Variants in ZNF775 observed in about 807,000 individuals in gnomAD.
ZNF775 encodes the protein zinc finger protein 775.
A neutral mutation model predicts 2.4 loss-of-function variants in ZNF775; 1 was observed. The ratio of observed to expected loss-of-function variants is 0.41; its 90% CI spans 0.15 to 1.94. ZNF775 has a LOEUF of 1.94. Ranked by LOEUF, ZNF775 falls within the 30% of genes most tolerant of loss-of-function variation. The pLI is 0.30. For synonymous variants in ZNF775, 381 were observed against 373.3 expected (o/e 1.02, Z -0.24); for missense variants, 823 against 826.6 (o/e 1.00, Z 0.05).
Position 150,398,143 on chromosome 7 carries a change from GGT to G in ZNF775, c.*56_*57del, listed in dbSNP as rs750712669. On this transcript the variant is annotated 3_prime_UTR_variant, in exon 3 of 3. Transcript: ENST00000329630. Reference sequence around the variant, plus strand: ...GTGGTGGTGCGGGGGATGTTTGCGGGGTGTGTGTGGGGAGTGGGGGTGGCCAG... The same window carrying G: ...GTGGTGGTGCGGGGGATGTTTGCGGGGTGTGTGGGGAGTGGGGGTGGCCAG... 1.3e-6 allele frequency: 2 copies of G among 1,529,990 alleles called. No homozygotes were observed. Among genetic ancestry groups the G allele is most frequent in the East Asian group, 2.5e-5 (1 of 40,808 alleles). 94.8% of individuals were successfully genotyped at this position (1,529,990 alleles called of 1,614,324 possible).
rs768335797 is a variant in ZNF775 at position 150,397,335 on chromosome 7, A to C, written c.854A>C (p.Glu285Ala). ...PGEPRQFICN[E>A]CGKSFTWWSS... ...GAGCCGCGCCAGTTCATCTGCAACG[A>C]GTGTGGCAAGAGCTTCACCTGGTGG... The change falls in exon 3 of 3, where the codon GAG becomes GCG. Residue 285 changes from glutamate to alanine, a missense_variant. By Grantham distance (107) the Glu-to-Ala change is moderately radical. Coordinates refer to ENST00000329630, the MANE Select transcript of ZNF775 (RefSeq NM_173680.4). 26 of 1,592,656 alleles carry C rather than the reference A, an allele frequency of 1.6e-5. No homozygotes were observed. Among genetic ancestry groups the C allele is most frequent in the African/African-American group, 6.8e-5 (5 of 73,650 alleles).
At chr7:150,381,584 T>C (rs1345472969) in intron 1 of ZNF775, among the ~76,000 whole-genome samples, 2 of 137,370 alleles carry the variant, frequency 1.5e-5, no homozygotes, top group Non-Finnish European at 3.1e-5. Context: ...CCACTTGATA[T>C]AACAATTCTG....
rs747311346 is a variant in ZNF775 at position 150,396,963 on chromosome 7, G to A, written c.482G>A (p.Arg161Gln). Residue 161 changes from arginine (R) to glutamine (Q), a missense_variant, in exon 3 of 3, where the codon CGA becomes CAA. Transcript: ENST00000329630. ...ARHQRHHTGE[R>Q]PFCCPECARR... Reference sequence around the variant, plus strand: ...CACCAGCGGCACCACACGGGCGAGCGACCCTTCTGCTGCCCCGAGTGCGCG... The same window carrying A: ...CACCAGCGGCACCACACGGGCGAGCAACCCTTCTGCTGCCCCGAGTGCGCG... 4 of 1,599,836 alleles carry A rather than the reference G, an allele frequency of 2.5e-6. No individual in the cohort carries two copies. Among genetic ancestry groups the A allele is most frequent in the South Asian group, 2.2e-5 (2 of 90,942 alleles).
chr7:150,397,857 C>T lies in ZNF775; in HGVS notation c.1376C>T (p.Ser459Leu), dbSNP rs1463619415. The T allele has an allele frequency of 1.9e-6, 3 of 1,602,060 alleles. No homozygotes were observed. Among genetic ancestry groups the T allele is most frequent in the Admixed American group, 3.4e-5 (2 of 59,598 alleles). The change falls in exon 3 of 3, where the codon TCG becomes TTG. Residue 459 changes from serine to leucine, a missense_variant. Transcript: ENST00000329630. ...TGCGGCAAGAGCTTCTCGTGGTGGTCGGCGCTCACCATCCACCAGCGCATC... is the reference window on the plus strand; with the variant it reads ...TGCGGCAAGAGCTTCTCGTGGTGGTTGGCGCTCACCATCCACCAGCGCATC... ...NECGKSFSWW[S>L]ALTIHQRIHT...
chr7:150,380,960 A>G (rs1013612218), intron 1 of ZNF775, among the ~76,000 whole-genome samples: 1 of 152,252 alleles, frequency 6.6e-6, no homozygotes, highest in Non-Finnish European at 1.5e-5. Flanking sequence ...TCCCTGCTCC[A>G]TCTCACTTTG....
intron 1 of ZNF775, among the ~76,000 whole-genome samples, chr7:150,385,622 A>G (rs1800439025): frequency 6.6e-6 from 1 of 152,212 alleles, no homozygotes; most frequent in African/African-American, 2.4e-5. Flanking sequence ...CCCGTTACAG[A>G]CATGTTCTCA....
Position 150,398,457 on chromosome 7 carries a change from C to T in ZNF775, c.*362C>T, listed in dbSNP as rs1225554207. 2 of 251,864 alleles carry T rather than the reference C, an allele frequency of 7.9e-6. No individual in the cohort carries two copies. The highest frequency in any genetic ancestry group is 5.6e-5 in the Admixed American group (1 of 17,984). The allele number at this position is 251,864 out of a possible 1,614,324, so 15.6% of individuals were successfully genotyped here. A position where few individuals can be genotyped will look rare whatever the true frequency, so the allele number is the denominator to read the frequency against. On this transcript the variant is annotated 3_prime_UTR_variant, in exon 3 of 3. Transcript: ENST00000329630. ...TGGACTGGTCAGCTGTGGCACCAGC[C>T]GGTCCTGCCCACGCTTCAGGATGGC...
chr7:150,379,461 A>T (rs1800321644), intron 1 of ZNF775, 69 bp downstream of exon 1: 1 of 151,592 alleles, frequency 6.6e-6, no homozygotes, highest in Non-Finnish European at 1.5e-5. Context: ...GGTGCGAGGG[A>T]TGGACCAGCG....
intron 2 of ZNF775, among the ~76,000 whole-genome samples, chr7:150,393,748 A>G (rs1253767413): frequency 1.3e-5 from 2 of 150,280 alleles, no homozygotes; most frequent in Non-Finnish European, 3.0e-5. Flanking sequence ...GGCTTGCTGC[A>G]ACCTCTGCCT....
At chr7:150,395,894 G>A (rs1800637766) in intron 2 of ZNF775, among the ~76,000 whole-genome samples, 1 of 152,102 alleles carries the variant, frequency 6.6e-6, no homozygotes, top group Non-Finnish European at 1.5e-5. Flanking sequence ...TGAGTTGCCA[G>A]ACAGCCAAGG....
chr7:150,380,759 T>G (rs562489296), intron 1 of ZNF775, among the ~76,000 whole-genome samples: 2 of 152,228 alleles, frequency 1.3e-5, no homozygotes, highest in African/African-American at 2.4e-5. Flanking sequence ...AGATGTTACC[T>G]TTAGTTTCTT....
At chr7:150,379,435 T>G (rs1800321126) in intron 1 of ZNF775, 43 bp downstream of exon 1, 1 of 152,042 alleles carries the variant, frequency 6.6e-6, no homozygotes, top group Non-Finnish European at 1.5e-5. Context: ...CCTCTGCATT[T>G]TGGGCGGGGA....
At chr7:150,387,310 AAAAG>A (rs1800469776) in intron 1 of ZNF775, among the ~76,000 whole-genome samples, 1 of 151,050 alleles carries the variant, frequency 6.6e-6, no homozygotes, top group African/African-American at 2.4e-5. Flanking sequence ...AAAAAAAAAA[AAAAG>A]AAGCACAAGG....
rs1800416332 is a variant in ZNF775, at chr7:150,384,357, G to A, written c.-49-4065G>A. Among the ~76,000 whole-genome samples, 1 of 152,248 alleles carries A rather than the reference G, an allele frequency of 6.6e-6. No homozygotes were observed. The highest frequency in any genetic ancestry group is 6.5e-5 in the Admixed American group (1 of 15,286). ...GTCTTCCAGCCGGGGCGCTTTGCTG[G>A]GCAGCCTGCTCACCTGGCTCCTGGG... is the stretch of plus-strand genomic sequence containing the variant. On this transcript the variant is annotated intron_variant, in intron 1 of 2. Transcript: ENST00000329630. This position sits in a 1 kb window ranked among gnomAD's most constrained non-coding sequence, Gnocchi z 4.1.
At chr7:150,393,667 ATTTTAT>A (rs923606546) in intron 2 of ZNF775, among the ~76,000 whole-genome samples, 7 of 151,918 alleles carry the variant, frequency 4.6e-5, no homozygotes, top group Admixed American at 3.3e-4. Context: ...CATTTATTTT[ATTTTAT>A]TTTTATTTTT....
chr7:150,388,550 G>A (rs1375167378), intron 2 of ZNF775, 49 bp downstream of exon 2: 1 of 1,549,476 alleles, frequency 6.5e-7, no homozygotes, highest in South Asian at 1.2e-5. Context: ...CCTCTGCTGA[G>A]GTCACGTGCC....
Position 150,397,156 on chromosome 7 carries a change from C to G in ZNF775, c.675C>G (p.His225Gln), listed in dbSNP as rs1488162925. 3.5e-6 allele frequency: 5 copies of G among 1,445,620 alleles called. No homozygotes were observed. Among genetic ancestry groups the G allele is most frequent in the Non-Finnish European group, 4.5e-6 (5 of 1,109,716 alleles). The allele number at this position is 1,445,620 out of a possible 1,614,324, so 89.5% of individuals were successfully genotyped here. Reference sequence around the variant, plus strand: ...GCCAGGGCTCCCGCGCCGGCCTGCACGAGCTGATTCAGGACGCGGCGGCGC... The same window carrying G: ...GCCAGGGCTCCCGCGCCGGCCTGCAGGAGCTGATTCAGGACGCGGCGGCGC... The part of the protein sequence containing the change: ...RDRQGSRAGL[H>Q]ELIQDAAARR... The change falls in exon 3 of 3, where the codon CAC (histidine) becomes CAG (glutamine). Residue 225 changes from histidine to glutamine, a missense_variant. Coordinates refer to ENST00000329630, the MANE Select transcript of ZNF775 (RefSeq NM_173680.4).
intron 2 of ZNF775, among the ~76,000 whole-genome samples, chr7:150,388,856 C>G (rs745491228): frequency 6.6e-6 from 1 of 152,160 alleles, no homozygotes; most frequent in Admixed American, 6.5e-5. Context: ...CTAGGTAGGA[C>G]GATTGGAACA....
chr7:150,390,916 A>G (rs1184418286), intron 2 of ZNF775, among the ~76,000 whole-genome samples: 1 of 152,216 alleles, frequency 6.6e-6, no homozygotes, highest in East Asian at 1.9e-4. Context: ...CTCTCAGAAT[A>G]CCCATGTGTA....
Sources: allele counts gnomAD v4.1 joint callset (sites outside exome capture counted in the v4.1 genomes callset), GRCh38; gene constraint gnomAD v4.1.1; non-coding constraint Gnocchi (gnomAD v3.1); transcripts MANE v1.5; gene names NCBI Gene and HGNC (gene_info 2026-07-23, HGNC 2026-07-21).